Variants in CCZ1B observed in about 807,000 individuals in gnomAD.
The protein encoded by CCZ1B is vacuolar fusion protein CCZ1 homolog B.
A neutral mutation model predicts 58.8 loss-of-function variants in CCZ1B; 25 were observed. That is an observed-to-expected ratio of 0.43 (90% CI 0.31 to 0.59). The LOEUF (loss-of-function observed/expected upper bound fraction) is 0.59, where lower values mean the gene tolerates loss of function less well. Among genes scored for constraint, CCZ1B ranks in the 20% least tolerant of loss-of-function variants. CCZ1B has a pLI of 0.12. For missense variants in CCZ1B, 180 were observed against 501.5 expected (o/e 0.36, Z 6.12); for synonymous variants, 66 against 173.2 (o/e 0.38, Z 4.86).
chr7:6,822,350 T>G lies in CCZ1B; in HGVS notation c.453A>C (p.Thr151=). The change falls in exon 6 of 15, where the codon ACA becomes ACC. Residue 151 remains threonine (T), a synonymous_variant. Transcript: ENST00000316731. The part of the protein sequence containing the change: ...CYSMYKLFNG[T]FLKAMEDGGV... ...CTCCGTCTTCCATGGCTTTCAGAAATGTACCATTAAAAAGCTAGTGAGGTA... is the reference window on the plus strand; with the variant it reads ...CTCCGTCTTCCATGGCTTTCAGAAAGGTACCATTAAAAAGCTAGTGAGGTA... 1 of 1,592,674 alleles carries G rather than the reference T, an allele frequency of 6.3e-7. No homozygotes were observed. Among genetic ancestry groups the G allele is most frequent in the Non-Finnish European group, 8.5e-7 (1 of 1,174,304 alleles).
rs758963803 is a variant in CCZ1B at position 6,813,070 on chromosome 7, T to A, written c.781-33A>T. 9.6e-6 allele frequency: 14 copies of A among 1,453,634 alleles called. No homozygotes were observed. In the Admixed American group the frequency reaches 2.9e-4, roughly 30 times the overall value. 90.0% of individuals were successfully genotyped at this position (1,453,634 alleles called of 1,614,324 possible). On this transcript the variant is annotated intron_variant, in intron 8 of 14. Coordinates refer to ENST00000316731, the MANE Select transcript of CCZ1B (RefSeq NM_198097.5). ...TACATTTAATGTTGAGAATGACTTA[T>A]CAGACTTTTTATTTATTTTCCAAGC... is the stretch of plus-strand genomic sequence containing the variant.
intron 9 of CCZ1B, chr7:6,812,495 C>CAAAAAAA (rs1171967639): frequency 3.6e-5 from 3 of 83,774 alleles, no homozygotes; most frequent in African/African-American, 1.2e-4. Context: ...CACTCCATCT[C>CAAAAAAA]AAAAAAAAAA....
At chr7:6,804,100 T>C (rs1388244639) in intron 12 of CCZ1B, among the ~76,000 whole-genome samples, 2 of 151,164 alleles carry the variant, frequency 1.3e-5, no homozygotes, top group Non-Finnish European at 2.9e-5. Context: ...TCGCCTCACT[T>C]TCACTTTATA....
chr7:6,818,617 C>CAAGA (rs71956858), intron 7 of CCZ1B, among the ~76,000 whole-genome samples: 1 of 92,454 alleles, frequency 1.1e-5, no homozygotes, highest in Admixed American at 1.4e-4. Flanking sequence ...GAAAGAAAGA[C>CAAGA]AAGAAAGAAA....
chr7:6,815,136 T>C (rs1782979718), intron 7 of CCZ1B, among the ~76,000 whole-genome samples: 1 of 148,438 alleles, frequency 6.7e-6, no homozygotes, highest in Non-Finnish European at 1.5e-5. Flanking sequence ...AAGCCCTGGA[T>C]AAAGCTCATT....
At chr7:6,804,218 A>G (rs1411383361) in intron 12 of CCZ1B, among the ~76,000 whole-genome samples, 1 of 135,480 alleles carries the variant, frequency 7.4e-6, no homozygotes, top group East Asian at 2.5e-4. Context: ...TGAGGTCAGG[A>G]GTTCAAGACC....
At chr7:6,817,650 A>AT (rs1462165367) in intron 7 of CCZ1B, among the ~76,000 whole-genome samples, 1 of 149,496 alleles carries the variant, frequency 6.7e-6, no homozygotes, top group Non-Finnish European at 1.5e-5. Flanking sequence ...CATTGTGTAC[A>AT]TATCACAGAA....
At position 6,819,328 on chromosome 7, in the gene CCZ1B, C is replaced by T. The variant is rs202179864; in HGVS notation, c.698+438G>A. 0.012 allele frequency among the ~76,000 whole-genome samples: 1,829 copies of T among 146,776 alleles called. 2 individuals are homozygous for T. In the East Asian group the frequency reaches 0.19, roughly 16 times the overall value. The stretch of plus-strand genomic sequence containing the variant: ...TCGGCTCACTGCAACCTCCGCCTCC[C>T]GGGTTCAAGTGATTCTCCTGCCTCA... On this transcript the variant is annotated intron_variant, in intron 7 of 14. Transcript: ENST00000316731.
At chr7:6,804,134 G>A (rs1446094150) in intron 12 of CCZ1B, among the ~76,000 whole-genome samples, 1 of 150,412 alleles carries the variant, frequency 6.6e-6, no homozygotes, top group East Asian at 2.0e-4. Context: ...ATTGAGAAAA[G>A]ATAGGCATGG....
intron 8 of CCZ1B, among the ~76,000 whole-genome samples, chr7:6,813,998 T>G (rs1782958685): frequency 6.8e-6 from 1 of 146,628 alleles, no homozygotes; most frequent in African/African-American, 2.6e-5. Flanking sequence ...ATATAAAAAT[T>G]AGCCAGGCAT....
At chr7:6,814,135 A>G (rs1306661666) in intron 8 of CCZ1B, among the ~76,000 whole-genome samples, 1 of 149,020 alleles carries the variant, frequency 6.7e-6, no homozygotes, top group Non-Finnish European at 1.5e-5. Flanking sequence ...GAAAAGAACG[A>G]AACTCTGTCC....
chr7:6,804,004 C>T (rs1212925913), intron 12 of CCZ1B, among the ~76,000 whole-genome samples: 2 of 148,360 alleles, frequency 1.3e-5, no homozygotes, highest in Non-Finnish European at 3.0e-5. Flanking sequence ...TGAGCGTATG[C>T]AGAAATTCAC....
intron 7 of CCZ1B, among the ~76,000 whole-genome samples, chr7:6,819,123 GAAAAAAA>G (rs1173368085): frequency 3.0e-5 from 2 of 65,656 alleles, no homozygotes; most frequent in Admixed American, 2.2e-4. Context: ...ATCTCTATAA[GAAAAAAA>G]AAAAAAAAAA....
intron 5 of CCZ1B, 196 bp from the exon 6 acceptor site, chr7:6,822,560 T>C: frequency 1.9e-6 from 2 of 1,080,518 alleles, no homozygotes; most frequent in Non-Finnish European, 2.5e-6. Flanking sequence ...TGATGCTGTT[T>C]TATGAAACCA....
At position 6,811,701 on chromosome 7, in the gene CCZ1B, C is replaced by T. The variant is rs569374452; in HGVS notation, c.954+251G>A. ...TCTGACAGCCTTTGGTTTGAGAGCA[C>T]GTGAGACTTCACACGTTTATAAATC... is the stretch of plus-strand genomic sequence containing the variant. On this transcript the variant is annotated intron_variant, in intron 10 of 14. Coordinates refer to ENST00000316731, the MANE Select transcript of CCZ1B (RefSeq NM_198097.5). 9.1e-3 allele frequency: 3,466 copies of T among 382,592 alleles called. 76 individuals are homozygous for T. The highest frequency in any genetic ancestry group is 0.013 in the Non-Finnish European group (2,698 of 206,556). 23.7% of individuals were successfully genotyped at this position (382,592 alleles called of 1,614,324 possible). A position where few individuals can be genotyped will look rare whatever the true frequency, so the allele number is the denominator to read the frequency against.
intron 7 of CCZ1B, among the ~76,000 whole-genome samples, chr7:6,816,756 T>C (rs71524079): frequency 0.22 from 32,228 of 149,714 alleles, 613 homozygotes; most frequent in East Asian, 0.32. Context: ...CAAAACGTGC[T>C]GTTTTTCTTT....
chr7:6,813,856 AT>A (rs11320256), intron 8 of CCZ1B, among the ~76,000 whole-genome samples: 79,315 of 148,142 alleles, frequency 0.54, 22,862 homozygotes, highest in South Asian at 0.81. Context: ...CTAAAATCCA[AT>A]TTTTTTGGCC....
At position 6,816,633 on chromosome 7, in the gene CCZ1B, C is replaced by T. The variant is rs567518240; in HGVS notation, c.699-1788G>A. ...GTCTCCAAGTAACTCCTGGCTCAAG[C>T]GATCCTTCTGCCTCCTCCTCCCCAG... On this transcript the variant is annotated intron_variant, in intron 7 of 14. Coordinates refer to ENST00000316731, the MANE Select transcript of CCZ1B (RefSeq NM_198097.5). Among the ~76,000 whole-genome samples, 769 of 150,854 alleles carry T rather than the reference C, an allele frequency of 5.1e-3. 4 individuals are homozygous for T. The highest frequency in any genetic ancestry group is 0.018 in the African/African-American group (725 of 40,608).
intron 5 of CCZ1B, among the ~76,000 whole-genome samples, chr7:6,823,028 A>T (rs1245131444): frequency 1.4e-5 from 2 of 146,910 alleles, no homozygotes; most frequent in Non-Finnish European, 1.5e-5. Flanking sequence ...TTAAATCATA[A>T]AATTATCTGC....
Sources: gnomAD v4.1 joint callset for allele counts (sites outside exome capture counted in the v4.1 genomes callset) on GRCh38, gnomAD v4.1.1 for gene constraint, MANE v1.5 for transcripts, NCBI Gene and HGNC (gene_info 2026-07-23, HGNC 2026-07-21) for gene names.